The following F13A1 variants were observed in gnomAD, a reference collection of about 807,000 sequenced individuals.
The protein encoded by F13A1 is coagulation factor XIII A chain.
In F13A1, 47 loss-of-function variants were observed where a neutral mutation model predicts 80.1. That is an observed-to-expected ratio of 0.59 (90% CI 0.46 to 0.75). The LOEUF is 0.75. Among genes scored for constraint, F13A1 ranks in the 30% least tolerant of loss-of-function variants. The pLI is 0.00. For missense variants in F13A1, 817 were observed against 930.4 expected (o/e 0.88, Z 1.59); for synonymous variants, 349 against 344.9 (o/e 1.01, Z -0.13).
intron 8 of F13A1, among the ~76,000 whole-genome samples, chr6:6,217,851 C>T (rs998887546): frequency 1.4e-4 from 22 of 152,296 alleles, no homozygotes; most frequent in African/African-American, 4.8e-4. Context: ...AATTTCTGCT[C>T]TAAAATGTGC....
chr6:6,157,280 C>T (rs930832392), intron 13 of F13A1, among the ~76,000 whole-genome samples: 13 of 152,100 alleles, frequency 8.5e-5, no homozygotes, highest in South Asian at 8.3e-4. Context: ...ATTCTGTTTA[C>T]GTGAAATTGA....
At chr6:6,235,020 A>G (rs1184646076) in intron 6 of F13A1, among the ~76,000 whole-genome samples, 1 of 152,060 alleles carries the variant, frequency 6.6e-6, no homozygotes, top group Non-Finnish European at 1.5e-5. Context: ...TAAAGTTGCA[A>G]AGGAAATTTT....
At chr6:6,282,028 C>T (rs912674150) in intron 3 of F13A1, among the ~76,000 whole-genome samples, 2 of 147,636 alleles carry the variant, frequency 1.4e-5, no homozygotes, top group Admixed American at 1.4e-4. Context: ...GTATGGAGGA[C>T]AAGAGTCATG....
intron 13 of F13A1, among the ~76,000 whole-genome samples, chr6:6,160,228 G>A (rs1443841590): frequency 6.9e-6 from 1 of 145,238 alleles, no homozygotes; most frequent in Non-Finnish European, 1.5e-5. Context: ...AGTGAGCCGA[G>A]ATCACACCAC....
In F13A1 at chr6:6,250,017, G is replaced by A. The variant is rs1296930360; in HGVS notation, c.690+794C>T. ...TATGGAAGTCAAAGCAAGGCATCCG[G>A]AGCCAAGAAAGTACCCTGTGACCAC... On this transcript the variant is annotated intron_variant, in intron 5 of 14. Transcript: ENST00000264870. This position sits in a 1 kb window ranked among gnomAD's most constrained non-coding sequence, Gnocchi z 4.2. Among the ~76,000 whole-genome samples the A allele has an allele frequency of 6.6e-6, 1 of 152,130 alleles. No individual in the cohort carries two copies. Among genetic ancestry groups the A allele is most frequent in the African/African-American group, 2.4e-5 (1 of 41,410 alleles).
chr6:6,192,132 G>C (rs547093956), intron 10 of F13A1, among the ~76,000 whole-genome samples: 1 of 152,306 alleles, frequency 6.6e-6, no homozygotes, highest in East Asian at 1.9e-4. Flanking sequence ...TTTCTGAAGA[G>C]AAAAATCTCA....
chr6:6,280,299 C>T (rs989515818), intron 3 of F13A1, among the ~76,000 whole-genome samples: 1 of 152,090 alleles, frequency 6.6e-6, no homozygotes, highest in Non-Finnish European at 1.5e-5. Context: ...CAAGTTTAGA[C>T]TGTAATTTAA....
chr6:6,198,734 TTAAA>T (rs1295953967), intron 8 of F13A1, among the ~76,000 whole-genome samples: 1 of 152,220 alleles, frequency 6.6e-6, no homozygotes, highest in Admixed American at 6.5e-5. Context: ...GCTGTGAGAC[TTAAA>T]TAAGCTAATA....
chr6:6,199,706 G>A (rs182138283), intron 8 of F13A1, among the ~76,000 whole-genome samples: 2 of 152,144 alleles, frequency 1.3e-5, no homozygotes, highest in South Asian at 2.1e-4. Context: ...TTTATTCTTA[G>A]GCTATAAAAA....
At position 6,162,697 on chromosome 6, in the gene F13A1, G is replaced by A. The variant is rs536001294; in HGVS notation, c.1908+4761C>T. Among the ~76,000 whole-genome samples the A allele has an allele frequency of 4.6e-5, 7 of 152,220 alleles. No homozygotes were observed. Among genetic ancestry groups the A allele is most frequent in the East Asian group, 1.9e-4 (1 of 5,178 alleles). Reference sequence around the variant, plus strand: ...CATATGTAGGTGTGCACTGTGACTCGGGCATCCAATGACTCATAAAAAACT... The same window carrying A: ...CATATGTAGGTGTGCACTGTGACTCAGGCATCCAATGACTCATAAAAAACT... On this transcript the variant is annotated intron_variant, in intron 13 of 14. Transcript: ENST00000264870. This position sits in a 1 kb window ranked among gnomAD's most constrained non-coding sequence, Gnocchi z 4.2.
At chr6:6,149,625 C>A (rs184967516) in intron 14 of F13A1, among the ~76,000 whole-genome samples, 1 of 152,286 alleles carries the variant, frequency 6.6e-6, no homozygotes, top group Admixed American at 6.5e-5. Flanking sequence ...GGGAAGGGAG[C>A]CCTCATCAGG....
intron 2 of F13A1, among the ~76,000 whole-genome samples, chr6:6,314,410 T>C (rs3024342): frequency 0.15 from 23,279 of 152,206 alleles, 2,174 homozygotes; most frequent in Non-Finnish European, 0.21. Context: ...GCCTGCCATC[T>C]TTTCCCAGGC....
intron 9 of F13A1, among the ~76,000 whole-genome samples, chr6:6,196,148 T>C (rs1761287381): frequency 6.6e-6 from 1 of 152,210 alleles, no homozygotes; most frequent in South Asian, 2.1e-4. Flanking sequence ...CCCAGATGTG[T>C]TGATGCCAAG....
chr6:6,184,071 C>T (rs1252610659), intron 10 of F13A1, among the ~76,000 whole-genome samples: 3 of 152,180 alleles, frequency 2.0e-5, no homozygotes, highest in South Asian at 2.1e-4. Flanking sequence ...CACATGAAGT[C>T]GGATTTCTAC....
intron 10 of F13A1, among the ~76,000 whole-genome samples, chr6:6,192,872 T>A (rs1254771362): frequency 6.6e-6 from 1 of 152,140 alleles, no homozygotes. Flanking sequence ...GCAGAGTTAA[T>A]GAGAAGTTAG....
chr6:6,250,728 T>C lies in F13A1; in HGVS notation c.690+83A>G. ...GGAAATTGTGCTTGTCTAATATCGA[T>C]ATATGGGATCCTGTAGGGATACATG... is the stretch of plus-strand genomic sequence containing the variant. On this transcript the variant is annotated intron_variant, in intron 5 of 14. Coordinates refer to ENST00000264870, the MANE Select transcript of F13A1 (RefSeq NM_000129.4). The surrounding 1 kb of genome is among the most constrained non-coding windows in gnomAD (Gnocchi z 4.2). The C allele has an allele frequency of 1.1e-6, 1 of 901,900 alleles. No homozygotes were observed. The allele number at this position is 901,900 out of a possible 1,614,324, so 55.9% of individuals were successfully genotyped here.
At chr6:6,190,857 T>C (rs1459075863) in intron 10 of F13A1, among the ~76,000 whole-genome samples, 3 of 151,914 alleles carry the variant, frequency 2.0e-5, no homozygotes, top group Non-Finnish European at 2.9e-5. Context: ...CTCAGACTGC[T>C]GTGCTAGCAA....
At position 6,311,614 on chromosome 6, in the gene F13A1, T is replaced by TATATAATATATAAAAACATATATTTAC. The variant is rs1554106097; in HGVS notation, c.131-6076_131-6075insGTAAATATATGTTTTTATATATTATAT. ...TATATATCATGAATATATATGTTTA[T>TATATAATATATAAAAACATATATTTAC]ATATAATATATAAAAACATATATTG... On this transcript the variant is annotated intron_variant, in intron 2 of 14. Transcript: ENST00000264870. Among the ~76,000 whole-genome samples, 9 of 138,962 alleles carry TATATAATATATAAAAACATATATTTAC rather than the reference T, an allele frequency of 6.5e-5. No individual in the cohort carries two copies. The Admixed American group carries it at 6.6e-4, about 10-fold the overall frequency. The allele number at this position is 138,962 out of a possible 152,430, so 91.2% of individuals were successfully genotyped here.
At chr6:6,149,243 T>C (rs1760332113) in intron 14 of F13A1, among the ~76,000 whole-genome samples, 1 of 152,120 alleles carries the variant, frequency 6.6e-6, no homozygotes, top group Non-Finnish European at 1.5e-5. Flanking sequence ...AAATGATAAA[T>C]GCATGGGGTG....
Sources: gnomAD v4.1 joint callset for allele counts (sites outside exome capture counted in the v4.1 genomes callset) on GRCh38, gnomAD v4.1.1 for gene constraint, Gnocchi (gnomAD v3.1) non-coding constraint, MANE v1.5 for transcripts, NCBI Gene and HGNC (gene_info 2026-07-23, HGNC 2026-07-21) for gene names.